The following MSR1 variants were observed in gnomAD, a reference collection of about 807,000 sequenced individuals.
MSR1 encodes macrophage scavenger receptor 1, also known as macrophage scavenger receptor types I and II.
MSR1 carries 53 observed loss-of-function variants against 47.2 expected under a neutral mutation model. The observed-to-expected ratio is 1.12, with a 90% CI of 0.90 to 1.41. The LOEUF is 1.41. Among genes scored for constraint, MSR1 ranks in the 40% most tolerant of loss-of-function variants. MSR1 has a pLI of 0.00. For synonymous variants in MSR1, 239 were observed against 185.6 expected, an observed-to-expected ratio of 1.29 and a Z score of -2.34; for missense variants, 786 against 546.9, an observed-to-expected ratio of 1.44 and a Z score of -4.36.
At chr8:16,163,180 A>T (rs1454101925) in intron 5 of MSR1, among the ~76,000 whole-genome samples, 6 of 152,124 alleles carry the variant, frequency 3.9e-5, no homozygotes, top group African/African-American at 1.4e-4. Flanking sequence ...CAAGAGAAAA[A>T]TCTTAATCAA....
chr8:16,143,154 T>C (rs139086466), intron 8 of MSR1, among the ~76,000 whole-genome samples: 146 of 152,232 alleles, frequency 9.6e-4, no homozygotes, highest in African/African-American at 3.4e-3. Flanking sequence ...AGACATCAGA[T>C]AGTTAATTTT....
At chr8:16,159,953 C>A (rs1801117347) in intron 5 of MSR1, among the ~76,000 whole-genome samples, 1 of 151,892 alleles carries the variant, frequency 6.6e-6, no homozygotes, top group African/African-American at 2.4e-5. Context: ...AGGCAGGATG[C>A]ACAAAGTACT....
chr8:16,177,122 C>T (rs1801672076), intron 2 of MSR1, among the ~76,000 whole-genome samples: 1 of 152,118 alleles, frequency 6.6e-6, no homozygotes, highest in South Asian at 2.1e-4. Context: ...GTAACCTGTG[C>T]AAACATGTTT....
At chr8:16,155,285 A>G (rs2117145802) in intron 5 of MSR1, 141 bp from the exon 6 acceptor site, 1 of 662,252 alleles carries the variant, frequency 1.5e-6, no homozygotes, top group Middle Eastern at 3.4e-4. Flanking sequence ...ACTGAACTTC[A>G]TGAATGGAGG....
intron 8 of MSR1, among the ~76,000 whole-genome samples, chr8:16,137,011 C>A (rs1800406362): frequency 6.6e-6 from 1 of 150,568 alleles, no homozygotes; most frequent in Admixed American, 6.7e-5. Context: ...TAACTCATAA[C>A]TAGTGCTACT....
chr8:16,170,058 TG>T lies in MSR1; in HGVS notation c.218-1189del, dbSNP rs534835755. On this transcript the variant is annotated intron_variant, in intron 3 of 9. Transcript: ENST00000262101. Reference sequence around the variant, plus strand: ...AAAAGGCTTAAACATTAACTTTTTATGCAAAAATAGGCCGGGTGCGTTGGCT... The same window carrying T: ...AAAAGGCTTAAACATTAACTTTTTATCAAAAATAGGCCGGGTGCGTTGGCT... Among the ~76,000 whole-genome samples the T allele has an allele frequency of 3.8e-3, 580 of 152,192 alleles. 3 individuals carry two copies. Among genetic ancestry groups the T allele is most frequent in the African/African-American group, 0.013 (540 of 41,536 alleles).
intron 4 of MSR1, among the ~76,000 whole-genome samples, chr8:16,168,030 A>G (rs1801366553): frequency 6.6e-6 from 1 of 152,164 alleles, no homozygotes; most frequent in Non-Finnish European, 1.5e-5. Flanking sequence ...TAAGGTGAGG[A>G]CCATGTATAA....
intron 5 of MSR1, among the ~76,000 whole-genome samples, chr8:16,157,044 G>A (rs1801032058): frequency 6.6e-6 from 1 of 151,924 alleles, no homozygotes; most frequent in Admixed American, 6.6e-5. Context: ...CTAATTGAAG[G>A]GAAGCACAGG....
intron 5 of MSR1, among the ~76,000 whole-genome samples, chr8:16,156,384 A>G (rs531816357): frequency 6.6e-6 from 1 of 151,994 alleles, no homozygotes; most frequent in African/African-American, 2.4e-5. Flanking sequence ...TTATCTCATG[A>G]ATAAGTATAT....
At chr8:16,156,331 C>T (rs952484233) in intron 5 of MSR1, among the ~76,000 whole-genome samples, 1 of 151,796 alleles carries the variant, frequency 6.6e-6, no homozygotes, top group African/African-American at 2.4e-5. Flanking sequence ...AGACATAATA[C>T]CCGAAGAAAT....
At chr8:16,171,942 A>C (rs1801499392) in intron 3 of MSR1, among the ~76,000 whole-genome samples, 8 of 152,170 alleles carry the variant, frequency 5.3e-5, no homozygotes, top group Admixed American at 2.0e-4. Context: ...TATATGTAAA[A>C]TACTTAGACC....
chr8:16,190,522 T>C lies in MSR1; in HGVS notation c.-5+2076A>G, dbSNP rs368971134. Among the ~76,000 whole-genome samples the C allele has an allele frequency of 5.0e-4, 76 of 152,248 alleles. 1 individual carries two copies. In the South Asian group the frequency reaches 0.015, roughly 31 times the overall value. ...AGAGAGATTTCACTGTAATTGTCTG[T>C]CATACATTGTTCTTCTTGGGTTATT... is the stretch of plus-strand genomic sequence containing the variant. On this transcript the variant is annotated intron_variant, in intron 1 of 9. Transcript: ENST00000262101.
Position 16,177,879 on chromosome 8 carries a change from T to G in MSR1, c.103+7A>C. ...CCTCCATGGGCAGCCCATCCCCCTC[T>G]ACTTACTCGGAGGAAGCAAAGCTGT... On this transcript the variant is annotated splice_region_variant and intron_variant, in intron 2 of 9. Transcript: ENST00000262101. 6.2e-7 allele frequency: 1 copy of G among 1,612,028 alleles called. No homozygotes were observed.
At chr8:16,174,116 C>A (rs969907704) in intron 3 of MSR1, among the ~76,000 whole-genome samples, 3 of 152,136 alleles carry the variant, frequency 2.0e-5, no homozygotes, top group Non-Finnish European at 4.4e-5. Context: ...TAATTACAGT[C>A]TCTGTAGAGA....
chr8:16,124,847 T>A (rs1563141206), intron 8 of MSR1, among the ~76,000 whole-genome samples: 1 of 152,160 alleles, frequency 6.6e-6, no homozygotes, highest in Non-Finnish European at 1.5e-5. Flanking sequence ...GGTAAGCTTC[T>A]CTTGATACAT....
chr8:16,188,405 T>A (rs1802064115), intron 1 of MSR1, among the ~76,000 whole-genome samples: 1 of 152,154 alleles, frequency 6.6e-6, no homozygotes, highest in Non-Finnish European at 1.5e-5. Flanking sequence ...GTAACATAGT[T>A]CATATCATCA....
chr8:16,165,083 C>T (rs1038988240), intron 4 of MSR1, among the ~76,000 whole-genome samples: 2 of 152,036 alleles, frequency 1.3e-5, no homozygotes, highest in African/African-American at 4.8e-5. Context: ...CTAAACAATG[C>T]TGCCATGAAC....
chr8:16,150,305 G>T lies in MSR1; in HGVS notation c.905C>A (p.Pro302Gln), dbSNP rs753739746. The change falls in exon 7 of 10, where the codon CCG becomes CAG. Residue 302 changes from proline to glutamine, a missense_variant. Pro to Gln is a moderately conservative substitution (Grantham distance 76). Coordinates refer to ENST00000262101, the MANE Select transcript of MSR1 (RefSeq NM_138715.3). The stretch of plus-strand genomic sequence containing the variant: ...TGCTCCCCGATCACCTTTAAGACCC[G>T]GAGGACCTACATTATTAACGAAGAA... ...PRGFPGPIGP[P>Q]GLKGDRGAIG... is the part of the protein sequence containing the mutation. 7 of 1,562,480 alleles carry T rather than the reference G, an allele frequency of 4.5e-6. No homozygotes were observed. The highest frequency in any genetic ancestry group is 6.1e-6 in the Non-Finnish European group (7 of 1,149,946).
In MSR1 at chr8:16,183,983, A is replaced by T. The variant is rs569625186; in HGVS notation, c.-4-5991T>A. On this transcript the variant is annotated intron_variant, in intron 1 of 9. Coordinates refer to ENST00000262101, the MANE Select transcript of MSR1 (RefSeq NM_138715.3). The stretch of plus-strand genomic sequence containing the variant: ...GTGGGTAATCAAGGTAGGAATACAG[A>T]AAAGATGACAATGAATCAGGGTTTT... Among the ~76,000 whole-genome samples the T allele has an allele frequency of 3.3e-5, 5 of 149,908 alleles. No individual in the cohort carries two copies. In the Admixed American group the frequency reaches 3.4e-4, roughly 10 times the overall value.
Sources: gnomAD v4.1 joint callset for allele counts (sites outside exome capture counted in the v4.1 genomes callset) on GRCh38, gnomAD v4.1.1 for gene constraint, MANE v1.5 for transcripts, NCBI Gene and HGNC (gene_info 2026-07-23, HGNC 2026-07-21) for gene names.